Variants in CMKLR1 observed in about 807,000 individuals in gnomAD.
CMKLR1 encodes the protein chemerin-like receptor 1.
Under a neutral mutation model 8.2 loss-of-function variants are expected in CMKLR1, and 6 were observed. The observed-to-expected ratio is 0.73, with a 90% CI of 0.40 to 1.44. CMKLR1 has a LOEUF of 1.44. Ranked by LOEUF, CMKLR1 falls within the 40% of genes most tolerant of loss-of-function variation. The probability of loss-of-function intolerance (pLI) is 0.02; values close to 1 mark genes in which losing one functional copy is unlikely to be tolerated. For synonymous variants in CMKLR1, 178 were observed against 181.2 expected, an observed-to-expected ratio of 0.98 and a Z score of 0.14; for missense variants, 429 against 478.0, an observed-to-expected ratio of 0.90 and a Z score of 0.96.
At chr12:108,301,930 T>C (rs1204170759) in intron 2 of CMKLR1, among the ~76,000 whole-genome samples, 1 of 152,118 alleles carries the variant, frequency 6.6e-6, no homozygotes, top group Non-Finnish European at 1.5e-5. Context: ...CAGGCATGTG[T>C]GCTCACACAG....
Position 108,291,697 on chromosome 12 carries a change from T to A in CMKLR1, c.*144A>T. The A allele has an allele frequency of 1.2e-6, 1 of 826,068 alleles. No homozygotes were observed. Among genetic ancestry groups the A allele is most frequent in the East Asian group, 2.4e-5 (1 of 41,014 alleles). 51.2% of individuals were successfully genotyped at this position (826,068 alleles called of 1,614,324 possible). A position where few individuals can be genotyped will look rare whatever the true frequency, so the allele number is the denominator to read the frequency against. ...AAGAAAGGGGTTCCAGGCCCTAGAT[T>A]CCCAGCATAAAACACTGTTCATCCC... On this transcript the variant is annotated 3_prime_UTR_variant, in exon 4 of 4. Transcript: ENST00000550402.
rs1390992921 is a variant in CMKLR1, at chr12:108,290,681, TGAGAA to T, written c.*1155_*1159del. 2 of 152,166 alleles carry T rather than the reference TGAGAA, an allele frequency of 1.3e-5. No individual in the cohort carries two copies. The highest frequency in any genetic ancestry group is 4.8e-5 in the African/African-American group (2 of 41,438). The allele number at this position is 152,166 out of a possible 1,614,324, so 9.4% of individuals were successfully genotyped here. On this transcript the variant is annotated 3_prime_UTR_variant, in exon 4 of 4. Transcript: ENST00000550402. ...GCCACAGGGACGTGTCAGTATTAGA[TGAGAA>T]AAGCCATGCCAGGCACCTGTATCCA...
At chr12:108,328,128 G>T (rs1011267206) in intron 2 of CMKLR1, among the ~76,000 whole-genome samples, 1 of 152,200 alleles carries the variant, frequency 6.6e-6, no homozygotes, top group Non-Finnish European at 1.5e-5. Context: ...AGAAAGGCCT[G>T]TTTAGGCCAG....
chr12:108,298,240 T>C (rs1593159380), intron 2 of CMKLR1, among the ~76,000 whole-genome samples: 2 of 152,348 alleles, frequency 1.3e-5, no homozygotes, highest in Middle Eastern at 6.8e-3. Flanking sequence ...TTATATTGGT[T>C]TTACTTCCTT....
At chr12:108,335,582 C>T (rs1045533245) in intron 1 of CMKLR1, among the ~76,000 whole-genome samples, 4 of 152,234 alleles carry the variant, frequency 2.6e-5, no homozygotes, top group African/African-American at 7.2e-5. Flanking sequence ...ATATACCATT[C>T]GACCTCCTTA....
intron 2 of CMKLR1, among the ~76,000 whole-genome samples, chr12:108,294,429 T>C (rs1891074967): frequency 6.6e-6 from 1 of 152,064 alleles, no homozygotes. Flanking sequence ...TTCTGAGGAG[T>C]TTGCAAGTTT....
chr12:108,317,703 C>T (rs906611885), intron 2 of CMKLR1, among the ~76,000 whole-genome samples: 8 of 152,208 alleles, frequency 5.3e-5, no homozygotes, highest in African/African-American at 1.9e-4. Flanking sequence ...GCCTAACAGC[C>T]ATCCATCCAC....
intron 2 of CMKLR1, among the ~76,000 whole-genome samples, chr12:108,296,201 A>C (rs1891129747): frequency 6.6e-6 from 1 of 152,120 alleles, no homozygotes; most frequent in East Asian, 1.9e-4. Context: ...CTGCATCCAC[A>C]TCCTGGATCT....
At chr12:108,322,891 C>T (rs1000232274) in intron 2 of CMKLR1, among the ~76,000 whole-genome samples, 1 of 152,214 alleles carries the variant, frequency 6.6e-6, no homozygotes, top group African/African-American at 2.4e-5. Context: ...GTAATCATTT[C>T]ATCCAATTGC....
chr12:108,338,479 A>G (rs1892282306), intron 1 of CMKLR1, among the ~76,000 whole-genome samples: 2 of 152,228 alleles, frequency 1.3e-5, no homozygotes, highest in South Asian at 4.1e-4. Context: ...TTAGTATGTG[A>G]GAATACTGTG....
At chr12:108,321,780 A>G (rs1891867684) in intron 2 of CMKLR1, among the ~76,000 whole-genome samples, 1 of 152,156 alleles carries the variant, frequency 6.6e-6, no homozygotes, top group South Asian at 2.1e-4. Context: ...CCTTCCAGCC[A>G]AGGCTCTCTC....
At chr12:108,313,361 T>A (rs1891633975) in intron 2 of CMKLR1, among the ~76,000 whole-genome samples, 1 of 150,784 alleles carries the variant, frequency 6.6e-6, no homozygotes. Flanking sequence ...GGCTTTAGGA[T>A]CAAGGGGTCT....
intron 2 of CMKLR1, among the ~76,000 whole-genome samples, chr12:108,319,940 A>C (rs983016041): frequency 1.3e-5 from 2 of 152,176 alleles, no homozygotes; most frequent in African/African-American, 4.8e-5. Flanking sequence ...GGGAGATAGA[A>C]TACAAAGATA....
intron 2 of CMKLR1, among the ~76,000 whole-genome samples, chr12:108,308,894 C>T (rs1179265723): frequency 6.6e-6 from 1 of 152,152 alleles, no homozygotes; most frequent in African/African-American, 2.4e-5. Context: ...GGGAACAAAC[C>T]AGACACATCC....
intron 2 of CMKLR1, among the ~76,000 whole-genome samples, chr12:108,329,660 T>A (rs769160561): frequency 2.0e-5 from 3 of 152,140 alleles, no homozygotes; most frequent in Non-Finnish European, 2.9e-5. Flanking sequence ...GAGCAAAATT[T>A]GCCCCAAGCA....
At chr12:108,308,355 C>T (rs1566022711) in intron 2 of CMKLR1, among the ~76,000 whole-genome samples, 1 of 152,172 alleles carries the variant, frequency 6.6e-6, no homozygotes, top group Non-Finnish European at 1.5e-5. Flanking sequence ...TCAGTGAAGT[C>T]CACTGTTTTA....
intron 2 of CMKLR1, among the ~76,000 whole-genome samples, chr12:108,322,867 G>T (rs1268296876): frequency 1.3e-5 from 2 of 152,094 alleles, no homozygotes; most frequent in Non-Finnish European, 2.9e-5. Context: ...ACACAAAATG[G>T]ACTAAGACAC....
rs1328929461 is a variant in CMKLR1 at position 108,293,692 on chromosome 12, C to T, written c.-73-28G>A. 3 of 1,009,052 alleles carry T rather than the reference C, an allele frequency of 3.0e-6. No homozygotes were observed. The Admixed American group carries it at 7.5e-5, about 25-fold the overall frequency. 62.5% of individuals were successfully genotyped at this position (1,009,052 alleles called of 1,614,324 possible). Reference sequence around the variant, plus strand: ...GTAGGGAAAAAAAAAAAAAAAAAAGCAGCAATTGGATCCAGGTCTAAGAAC... The same window carrying T: ...GTAGGGAAAAAAAAAAAAAAAAAAGTAGCAATTGGATCCAGGTCTAAGAAC... On this transcript the variant is annotated intron_variant, in intron 2 of 3. Coordinates refer to ENST00000550402, the MANE Select transcript of CMKLR1 (RefSeq NM_001142343.2).
chr12:108,337,983 G>A (rs1011036495), intron 1 of CMKLR1, among the ~76,000 whole-genome samples: 2 of 152,184 alleles, frequency 1.3e-5, no homozygotes, highest in African/African-American at 4.8e-5. Flanking sequence ...CAAAAGGGAA[G>A]TTGAGGGCTT....
Sources: gnomAD v4.1 joint callset for allele counts (sites outside exome capture counted in the v4.1 genomes callset) on GRCh38, gnomAD v4.1.1 for gene constraint, MANE v1.5 for transcripts, NCBI Gene and HGNC (gene_info 2026-07-23, HGNC 2026-07-21) for gene names.